Variants in MTSS1 observed in about 807,000 individuals in gnomAD.
MTSS1 encodes MTSS I-BAR domain containing 1, also known as protein MTSS 1.
A neutral mutation model predicts 79.0 loss-of-function variants in MTSS1; 18 were observed. That is an observed-to-expected ratio of 0.23 (90% CI 0.16 to 0.34). The LOEUF is 0.34. Among genes scored for constraint, MTSS1 ranks in the 10% least tolerant of loss-of-function variants. The pLI is 1.00. For missense variants in MTSS1, 815 were observed against 986.2 expected (o/e 0.83, Z 2.33); for synonymous variants, 341 against 368.6 (o/e 0.93, Z 0.86).
intron 3 of MTSS1, among the ~76,000 whole-genome samples, chr8:124,640,629 C>T (rs1322353914): frequency 4.6e-5 from 7 of 152,172 alleles, no homozygotes; most frequent in Non-Finnish European, 8.8e-5. Flanking sequence ...CTGCAACCTC[C>T]GCCTTCTGGG....
At chr8:124,600,083 T>C (rs1229315320) in intron 3 of MTSS1, among the ~76,000 whole-genome samples, 2 of 151,324 alleles carry the variant, frequency 1.3e-5, no homozygotes, top group African/African-American at 4.9e-5. Context: ...TGCTGACCAG[T>C]GTCTCATGCT....
chr8:124,649,052 T>C (rs1435912528), intron 3 of MTSS1, among the ~76,000 whole-genome samples: 1 of 152,250 alleles, frequency 6.6e-6, no homozygotes, highest in Non-Finnish European at 1.5e-5. Context: ...CCAAAAATAA[T>C]AGTATTAACA....
chr8:124,596,877 C>CTG (rs1393683932), intron 3 of MTSS1, among the ~76,000 whole-genome samples: 2 of 151,936 alleles, frequency 1.3e-5, no homozygotes, highest in African/African-American at 2.4e-5. Context: ...GAAGGCATTC[C>CTG]TGTGTGTGTG....
chr8:124,642,606 T>G (rs1349719877), intron 3 of MTSS1, among the ~76,000 whole-genome samples: 2 of 152,166 alleles, frequency 1.3e-5, no homozygotes, highest in African/African-American at 4.8e-5. Flanking sequence ...TTTTTCTTTT[T>G]TTTGGAGATG....
At position 124,585,018 on chromosome 8, in the gene MTSS1, C is replaced by T. The variant is rs569016521; in HGVS notation, c.460+69G>A. 17 of 1,352,162 alleles carry T rather than the reference C, an allele frequency of 1.3e-5. No homozygotes were observed. In the African/African-American group the frequency reaches 2.5e-4, roughly 20 times the overall value. The allele number at this position is 1,352,162 out of a possible 1,614,324, so 83.8% of individuals were successfully genotyped here. On this transcript the variant is annotated intron_variant, in intron 6 of 13. Transcript: ENST00000518547. Reference sequence around the variant, plus strand: ...TTAAGGAAGTCTCTGAAGTGAACACCTTTCACTTCAAAAACAAATCAAGTA... The same window carrying T: ...TTAAGGAAGTCTCTGAAGTGAACACTTTTCACTTCAAAAACAAATCAAGTA...
intron 3 of MTSS1, among the ~76,000 whole-genome samples, chr8:124,621,903 C>T (rs767854192): frequency 1.3e-5 from 2 of 152,222 alleles, no homozygotes; most frequent in South Asian, 4.1e-4. Context: ...CAGAAAGATT[C>T]AACCAGAAAG....
chr8:124,721,504 G>T (rs1221151882), intron 1 of MTSS1, among the ~76,000 whole-genome samples: 1 of 147,770 alleles, frequency 6.8e-6, no homozygotes, highest in African/African-American at 2.5e-5. Context: ...CTGCCTCCCG[G>T]GTTCAAGCAA....
At chr8:124,598,427 A>AG (rs546547991) in intron 3 of MTSS1, among the ~76,000 whole-genome samples, 204 of 152,280 alleles carry the variant, frequency 1.3e-3, no homozygotes, top group African/African-American at 4.7e-3. Context: ...AAATGTCCCC[A>AG]GGGGGCAAAC....
At chr8:124,674,166 G>T (rs7846680) in intron 3 of MTSS1, among the ~76,000 whole-genome samples, 33,179 of 151,828 alleles carry the variant, frequency 0.22, 3,804 homozygotes, top group Admixed American at 0.31. Flanking sequence ...AGCCTCACTC[G>T]GTCGCCCAGG....
chr8:124,678,798 G>T (rs530476322), intron 3 of MTSS1, among the ~76,000 whole-genome samples: 52 of 152,208 alleles, frequency 3.4e-4, no homozygotes, highest in Non-Finnish European at 6.2e-4. Flanking sequence ...AGTGTACTGG[G>T]CTGCAAGAGC....
At chr8:124,704,255 G>A (rs1434378324) in intron 1 of MTSS1, 64 bp from the exon 2 acceptor site, 3 of 1,387,400 alleles carry the variant, frequency 2.2e-6, no homozygotes, top group African/African-American at 1.4e-5. Flanking sequence ...TACATTAACA[G>A]AGCACCCAAT....
intron 3 of MTSS1, among the ~76,000 whole-genome samples, chr8:124,598,540 G>A (rs1420396687): frequency 2.6e-5 from 4 of 152,160 alleles, no homozygotes; most frequent in Non-Finnish European, 4.4e-5. Flanking sequence ...CATGCTCACT[G>A]CACCAGTGGC....
chr8:124,580,630 T>C, intron 6 of MTSS1: 6 of 1,505,302 alleles, frequency 4.0e-6, no homozygotes, highest in Non-Finnish European at 5.4e-6. Context: ...AATAATAAAG[T>C]CAAACTGGTA....
Position 124,728,107 on chromosome 8 carries a change from C to A in MTSS1, c.-152G>T. On this transcript the variant is annotated 5_prime_UTR_variant, in exon 1 of 14. Transcript: ENST00000518547. The surrounding 1 kb of genome is among the most constrained non-coding windows in gnomAD (Gnocchi z 6.1). ...TGCAGCGAGGACGGGGTGCACCAGA[C>A]CGACTGTTCTCTGCCCAAAATAATA... is the stretch of plus-strand genomic sequence containing the variant. 1.7e-6 allele frequency: 1 copy of A among 593,608 alleles called. No homozygotes were observed. Among genetic ancestry groups the A allele is most frequent in the Non-Finnish European group, 2.9e-6 (1 of 342,880 alleles). The allele number at this position is 593,608 out of a possible 1,614,324, so 36.8% of individuals were successfully genotyped here.
At chr8:124,695,304 A>C (rs12545412) in intron 3 of MTSS1, among the ~76,000 whole-genome samples, 54,515 of 151,274 alleles carry the variant, frequency 0.36, 10,531 homozygotes, top group Non-Finnish European at 0.41. Context: ...TGATAACTGC[A>C]ATTCCCTCCT....
At chr8:124,722,378 C>A (rs554576720) in intron 1 of MTSS1, among the ~76,000 whole-genome samples, 3 of 152,242 alleles carry the variant, frequency 2.0e-5, no homozygotes, top group African/African-American at 7.2e-5. Context: ...GATGAGAGAG[C>A]CCCAAGCCTA....
At chr8:124,622,060 A>AAG (rs55869660) in intron 3 of MTSS1, among the ~76,000 whole-genome samples, 5,577 of 110,040 alleles carry the variant, frequency 0.051, 116 homozygotes, top group South Asian at 0.079. Context: ...CAGAAAGAGA[A>AAG]AGAGAGAGAG....
intron 3 of MTSS1, among the ~76,000 whole-genome samples, chr8:124,655,226 G>A (rs1427986201): frequency 6.6e-6 from 1 of 152,238 alleles, no homozygotes; most frequent in East Asian, 1.9e-4. Flanking sequence ...CCTGCCTGGT[G>A]CACACACCAA....
chr8:124,608,652 G>C (rs1239919263), intron 3 of MTSS1, among the ~76,000 whole-genome samples: 4 of 152,128 alleles, frequency 2.6e-5, no homozygotes, highest in African/African-American at 4.8e-5. Context: ...TTTTATGTTA[G>C]TTACTTTTTT....
Sources: allele counts gnomAD v4.1 joint callset (sites outside exome capture counted in the v4.1 genomes callset), GRCh38; gene constraint gnomAD v4.1.1; non-coding constraint Gnocchi (gnomAD v3.1); transcripts MANE v1.5; gene names NCBI Gene and HGNC (gene_info 2026-07-23, HGNC 2026-07-21).